Variants in DTNBP1 observed in about 807,000 individuals in gnomAD.
DTNBP1 encodes the protein dysbindin.
Under a neutral mutation model 42.8 loss-of-function variants are expected in DTNBP1, and 35 were observed. The observed-to-expected ratio is 0.82, with a 90% confidence interval of 0.63 to 1.09. DTNBP1 has a LOEUF of 1.09. Among genes scored for constraint, DTNBP1 ranks in the 50% least tolerant of loss-of-function variants. The probability of loss-of-function intolerance (pLI) is 0.00; values close to 1 mark genes in which losing one functional copy is unlikely to be tolerated. For missense variants in DTNBP1, 457 were observed against 424.2 expected (o/e 1.08, Z -0.68); for synonymous variants, 171 against 162.2 (o/e 1.05, Z -0.41).
At chr6:15,656,166 A>G (rs568088948) in intron 1 of DTNBP1, among the ~76,000 whole-genome samples, 17 of 152,322 alleles carry the variant, frequency 1.1e-4, no homozygotes, top group African/African-American at 3.6e-4. Flanking sequence ...CCAATGTACT[A>G]CATTACTGGG....
intron 9 of DTNBP1, chr6:15,523,788 C>T: frequency 7.8e-7 from 1 of 1,287,152 alleles, no homozygotes; most frequent in East Asian, 5.6e-5. Context: ...GCAAATGCAC[C>T]CAAGCTCCTT....
chr6:15,637,994 C>G (rs1040157863), intron 3 of DTNBP1, among the ~76,000 whole-genome samples, 190 bp from the exon 4 acceptor site: 36 of 152,052 alleles, frequency 2.4e-4, no homozygotes, highest in Admixed American at 9.2e-4. Context: ...ATTTGAGCAA[C>G]AAAATACATA....
At chr6:15,539,078 A>C (rs753060914) in intron 7 of DTNBP1, among the ~76,000 whole-genome samples, 7 of 152,202 alleles carry the variant, frequency 4.6e-5, no homozygotes, top group Admixed American at 2.0e-4. Context: ...CCAGTGATGG[A>C]GTTTATCATC....
intron 7 of DTNBP1, among the ~76,000 whole-genome samples, chr6:15,590,740 T>C (rs1433684089): frequency 6.6e-6 from 1 of 152,198 alleles, no homozygotes; most frequent in African/African-American, 2.4e-5. Context: ...TTCAATAATC[T>C]TGTAGAGATT....
intron 6 of DTNBP1, among the ~76,000 whole-genome samples, chr6:15,609,986 C>T (rs922762996): frequency 1.3e-5 from 2 of 152,124 alleles, no homozygotes; most frequent in African/African-American, 4.8e-5. Context: ...AGTTCTGGGA[C>T]CTACTGGGGA....
intron 5 of DTNBP1, among the ~76,000 whole-genome samples, chr6:15,624,070 CAG>C (rs1759200839): frequency 6.6e-6 from 1 of 152,210 alleles, no homozygotes; most frequent in South Asian, 2.1e-4. Context: ...GCTGTGTGTC[CAG>C]AGTCTGTACG....
chr6:15,614,342 C>T (rs1326761919), intron 6 of DTNBP1, among the ~76,000 whole-genome samples: 1 of 151,866 alleles, frequency 6.6e-6, no homozygotes, highest in Non-Finnish European at 1.5e-5. Context: ...CACTCATCAA[C>T]ACTCCTAACA....
chr6:15,597,510 A>C (rs929325203), intron 6 of DTNBP1, among the ~76,000 whole-genome samples: 1 of 152,234 alleles, frequency 6.6e-6, no homozygotes, highest in African/African-American at 2.4e-5. Context: ...AAAAATGCTA[A>C]TAATAATAAT....
intron 8 of DTNBP1, 103 bp from the exon 9 acceptor site, chr6:15,524,772 T>C: frequency 2.0e-6 from 3 of 1,532,638 alleles, no homozygotes; most frequent in Non-Finnish European, 2.6e-6. Flanking sequence ...TTCCTAAGCT[T>C]CCTTCAAAAT....
intron 9 of DTNBP1, chr6:15,523,456 A>G (rs922596687): frequency 6.9e-6 from 9 of 1,302,742 alleles, no homozygotes; most frequent in Non-Finnish European, 9.0e-6. Context: ...CACATGTGAC[A>G]CAGATCAAGT....
intron 7 of DTNBP1, among the ~76,000 whole-genome samples, chr6:15,549,252 C>T (rs947011956): frequency 6.6e-6 from 1 of 151,990 alleles, no homozygotes; most frequent in Non-Finnish European, 1.5e-5. Context: ...TTTGGGAGGC[C>T]GAGGCAGGCA....
intron 7 of DTNBP1, among the ~76,000 whole-genome samples, chr6:15,562,351 C>G (rs1381389749): frequency 6.6e-6 from 1 of 152,064 alleles, no homozygotes. Context: ...TCTCTATAAT[C>G]TAAATTGAGA....
intron 6 of DTNBP1, among the ~76,000 whole-genome samples, chr6:15,613,347 C>G (rs1470946305): frequency 8.5e-6 from 1 of 118,058 alleles, no homozygotes; most frequent in Non-Finnish European, 1.8e-5. Flanking sequence ...CCTTTTTTGA[C>G]ACGGACCCCA....
chr6:15,620,341 G>T (rs1277607356), intron 5 of DTNBP1, among the ~76,000 whole-genome samples: 2 of 152,106 alleles, frequency 1.3e-5, no homozygotes, highest in African/African-American at 4.8e-5. Context: ...CAGGCAAAAT[G>T]ATGTACTGCC....
At chr6:15,542,441 G>A (rs1223073010) in intron 7 of DTNBP1, among the ~76,000 whole-genome samples, 1 of 151,970 alleles carries the variant, frequency 6.6e-6, no homozygotes, top group Non-Finnish European at 1.5e-5. Flanking sequence ...GTACGATTTT[G>A]GCTCACTGCA....
At chr6:15,538,124 T>C (rs1443157448) in intron 7 of DTNBP1, among the ~76,000 whole-genome samples, 1 of 152,114 alleles carries the variant, frequency 6.6e-6, no homozygotes, top group Non-Finnish European at 1.5e-5. Context: ...ACCCTGTGCC[T>C]AGGTGATGTC....
At chr6:15,581,186 GTT>G (rs1292725655) in intron 7 of DTNBP1, among the ~76,000 whole-genome samples, 1 of 152,106 alleles carries the variant, frequency 6.6e-6, no homozygotes, top group Admixed American at 6.6e-5. Flanking sequence ...TTCTTTTTCT[GTT>G]TTCTTTTTTT....
In DTNBP1 at chr6:15,587,324, A is replaced by G. The variant is rs114054098; in HGVS notation, c.511+5735T>C. On this transcript the variant is annotated intron_variant, in intron 7 of 9. Coordinates refer to ENST00000344537, the MANE Select transcript of DTNBP1 (RefSeq NM_032122.5). This position sits in a 1 kb window ranked among gnomAD's most constrained non-coding sequence, Gnocchi z 4.1. ...TATCATTAAGATGACAATTTTCCCC[A>G]AATTGATCTATACATGCAACACAAC... Among the ~76,000 whole-genome samples the G allele has an allele frequency of 0.036, 5,536 of 152,316 alleles. 129 individuals are homozygous for G. Among genetic ancestry groups the G allele is most frequent in the Middle Eastern group, 0.11 (32 of 294 alleles).
chr6:15,546,749 C>G (rs890395963), intron 7 of DTNBP1, among the ~76,000 whole-genome samples: 3 of 152,020 alleles, frequency 2.0e-5, no homozygotes, highest in African/African-American at 7.3e-5. Flanking sequence ...CAGGTAGCAC[C>G]AAGAAGGCTG....
Sources: allele counts gnomAD v4.1 joint callset (sites outside exome capture counted in the v4.1 genomes callset), GRCh38; gene constraint gnomAD v4.1.1; non-coding constraint Gnocchi (gnomAD v3.1); transcripts MANE v1.5; gene names NCBI Gene and HGNC (gene_info 2026-07-23, HGNC 2026-07-21).